The following TMC1 variants were observed in gnomAD, a reference collection of about 807,000 sequenced individuals.
TMC1 encodes transmembrane channel-like protein 1.
Under a neutral mutation model 105.8 loss-of-function variants are expected in TMC1, and 84 were observed. The observed-to-expected ratio is 0.79, with a 90% CI of 0.67 to 0.95. The LOEUF (loss-of-function observed/expected upper bound fraction) is 0.95. Among genes scored for constraint, TMC1 ranks in the 40% least tolerant of loss-of-function variants. The pLI is 0.00. For synonymous variants in TMC1, 315 were observed against 311.5 expected, an observed-to-expected ratio of 1.01 and a Z score of -0.12; for missense variants, 817 against 914.1, an observed-to-expected ratio of 0.89 and a Z score of 1.37.
chr9:72,597,094 C>T (rs1445440101), intron 2 of TMC1, among the ~76,000 whole-genome samples: 1 of 152,188 alleles, frequency 6.6e-6, no homozygotes, highest in African/African-American at 2.4e-5. Context: ...CACAAAACCA[C>T]ATGTGGGAGA....
chr9:72,613,481 TAA>T (rs1200577422), intron 2 of TMC1, among the ~76,000 whole-genome samples: 3 of 152,172 alleles, frequency 2.0e-5, no homozygotes, highest in Admixed American at 1.3e-4. Flanking sequence ...TTAGTCATAT[TAA>T]TCCTCCATAA....
intron 8 of TMC1, among the ~76,000 whole-genome samples, chr9:72,725,657 C>T (rs1564515864): frequency 1.3e-5 from 2 of 151,820 alleles, no homozygotes; most frequent in Admixed American, 6.6e-5. Flanking sequence ...AAGGGTGCAT[C>T]TGCCTTCCCC....
chr9:72,791,994 C>T lies in TMC1; in HGVS notation c.1333C>T (p.Arg445Cys), dbSNP rs372710475. 6.1e-5 allele frequency: 98 copies of T among 1,613,856 alleles called. No individual in the cohort carries two copies. The highest frequency in any genetic ancestry group is 7.1e-5 in the Non-Finnish European group (84 of 1,179,928). The change falls in exon 16 of 24, where the codon CGC becomes TGC. Residue 445 changes from arginine (R) to cysteine (C), a missense_variant. Transcript: ENST00000297784. ...PLIALKWLLG[R>C]IFALLLGNLY... Reference sequence around the variant, plus strand: ...CATCGCTTTGAAATGGCTACTGGGACGCATTTTTGCTCTTCTTTTAGGCAA... The same window carrying T: ...CATCGCTTTGAAATGGCTACTGGGATGCATTTTTGCTCTTCTTTTAGGCAA...
intron 1 of TMC1, 58 bp downstream of exon 1, chr9:72,521,971 T>C (rs1823319963): frequency 6.6e-6 from 1 of 152,156 alleles, no homozygotes; most frequent in Admixed American, 6.5e-5. Flanking sequence ...TTATGAAACA[T>C]GTGTGAAGAC....
chr9:72,542,153 A>G (rs1823688789), intron 1 of TMC1, among the ~76,000 whole-genome samples: 1 of 151,972 alleles, frequency 6.6e-6, no homozygotes. Flanking sequence ...TTGAAACCCC[A>G]TGTCTACTAA....
chr9:72,647,355 T>G (rs1304182893), intron 4 of TMC1, among the ~76,000 whole-genome samples: 3 of 152,084 alleles, frequency 2.0e-5, no homozygotes, highest in African/African-American at 7.2e-5. Context: ...GCAAAACATC[T>G]TTTGTTAATT....
intron 17 of TMC1, among the ~76,000 whole-genome samples, chr9:72,792,595 T>C (rs1242877673): frequency 6.6e-6 from 1 of 152,154 alleles, no homozygotes; most frequent in Non-Finnish European, 1.5e-5. Flanking sequence ...GAAGGATAGT[T>C]GAAAATGGTG....
At chr9:72,577,283 A>C (rs1159911440) in intron 1 of TMC1, among the ~76,000 whole-genome samples, 1 of 152,134 alleles carries the variant, frequency 6.6e-6, no homozygotes, top group Non-Finnish European at 1.5e-5. Flanking sequence ...AAAATTCTTT[A>C]ATCACTCTGC....
chr9:72,559,310 G>A (rs1408126921), intron 1 of TMC1, among the ~76,000 whole-genome samples: 2 of 152,094 alleles, frequency 1.3e-5, no homozygotes, highest in African/African-American at 2.4e-5. Flanking sequence ...TGGCCAGGTT[G>A]GTCTCAGACT....
chr9:72,582,434 C>T (rs190934584), intron 2 of TMC1, among the ~76,000 whole-genome samples: 319 of 152,342 alleles, frequency 2.1e-3, no homozygotes, highest in African/African-American at 7.1e-3. Flanking sequence ...CACAGTTGAT[C>T]TTGGCTTGGA....
At chr9:72,659,753 G>T (rs889668300) in intron 5 of TMC1, among the ~76,000 whole-genome samples, 1 of 152,208 alleles carries the variant, frequency 6.6e-6, no homozygotes, top group Non-Finnish European at 1.5e-5. Context: ...CACATAGCAG[G>T]TTTTAATAAG....
At position 72,531,508 on chromosome 9, in the gene TMC1, A is replaced by G. The variant is rs192832826; in HGVS notation, c.-428+9595A>G. Among the ~76,000 whole-genome samples the G allele has an allele frequency of 3.9e-3, 590 of 152,336 alleles. 2 individuals carry two copies. Among genetic ancestry groups the G allele is most frequent in the Middle Eastern group, 0.01 (3 of 294 alleles). ...TTCAGATTTGATATTTTCCAGGTCAACTGGACCAACTGTCCCTGCTATATG... is the reference window on the plus strand; with the variant it reads ...TTCAGATTTGATATTTTCCAGGTCAGCTGGACCAACTGTCCCTGCTATATG... On this transcript the variant is annotated intron_variant, in intron 1 of 23. Coordinates refer to ENST00000297784, the MANE Select transcript of TMC1 (RefSeq NM_138691.3).
At chr9:72,572,890 G>A (rs2132091579) in intron 1 of TMC1, among the ~76,000 whole-genome samples, 1 of 152,248 alleles carries the variant, frequency 6.6e-6, no homozygotes, top group Admixed American at 6.5e-5. Context: ...TACTCGGGAG[G>A]CTGAGGCAGG....
At chr9:72,692,643 T>C (rs1043417835) in intron 6 of TMC1, among the ~76,000 whole-genome samples, 1 of 152,168 alleles carries the variant, frequency 6.6e-6, no homozygotes, top group African/African-American at 2.4e-5. Flanking sequence ...GTTTCTTGCC[T>C]CCTGTCAAGT....
At chr9:72,566,793 G>A (rs1006643554) in intron 1 of TMC1, among the ~76,000 whole-genome samples, 3 of 152,268 alleles carry the variant, frequency 2.0e-5, no homozygotes, top group South Asian at 4.1e-4. Flanking sequence ...CTAGTCTACT[G>A]CTACTATTTT....
In TMC1 at chr9:72,671,800, A is replaced by G. The variant is rs118029452; in HGVS notation, c.17-16909A>G. Among the ~76,000 whole-genome samples, 44 of 152,348 alleles carry G rather than the reference A, an allele frequency of 2.9e-4. No homozygotes were observed. In the East Asian group the frequency reaches 6.9e-3, roughly 24 times the overall value. On this transcript the variant is annotated intron_variant, in intron 5 of 23. Coordinates refer to ENST00000297784, the MANE Select transcript of TMC1 (RefSeq NM_138691.3). ...AAAAGAAAAAAAATCAAAGCATAGT[A>G]TAGTTGTTAAATCATTTTAATAGTA...
chr9:72,574,994 G>C (rs1456339336), intron 1 of TMC1, among the ~76,000 whole-genome samples: 1 of 152,122 alleles, frequency 6.6e-6, no homozygotes, highest in Non-Finnish European at 1.5e-5. Flanking sequence ...GTGGTGACCA[G>C]AGCTGGTGGC....
At chr9:72,593,344 G>A (rs931013250) in intron 2 of TMC1, among the ~76,000 whole-genome samples, 1 of 151,392 alleles carries the variant, frequency 6.6e-6, no homozygotes, top group Non-Finnish European at 1.5e-5. Context: ...TTTAAGAATA[G>A]CCTGGGCAAC....
chr9:72,590,573 CTAAT>C (rs770630681), intron 2 of TMC1, among the ~76,000 whole-genome samples: 2 of 152,174 alleles, frequency 1.3e-5, no homozygotes, highest in Non-Finnish European at 2.9e-5. Flanking sequence ...AATGGGAACA[CTAAT>C]TAATGCTCAC....
Sources: gnomAD v4.1 joint callset for allele counts (sites outside exome capture counted in the v4.1 genomes callset) on GRCh38, gnomAD v4.1.1 for gene constraint, MANE v1.5 for transcripts, NCBI Gene and HGNC (gene_info 2026-07-23, HGNC 2026-07-21) for gene names.